Variants in ME2 observed in about 807,000 individuals in gnomAD.
ME2 encodes the protein NAD-dependent malic enzyme, mitochondrial.
ME2 carries 60 observed loss-of-function variants against 73.7 expected under a neutral mutation model. The observed-to-expected ratio is 0.81, with a 90% CI of 0.66 to 1.01. The LOEUF (loss-of-function observed/expected upper bound fraction) is 1.01, where lower values mean the gene tolerates loss of function less well. ME2 is among the 50% of genes least tolerant of loss of function. The pLI, the probability that ME2 is intolerant of heterozygous loss-of-function variation, is 0.00. For synonymous variants in ME2, 199 were observed against 236.9 expected (o/e 0.84, Z 1.47); for missense variants, 594 against 705.5 (o/e 0.84, Z 1.79).
chr18:50,903,670 A>G (rs1402668793), intron 2 of ME2, among the ~76,000 whole-genome samples: 1 of 152,096 alleles, frequency 6.6e-6, no homozygotes, highest in Non-Finnish European at 1.5e-5. Context: ...GCTGGTCTCA[A>G]ACTCCTGGGC....
intron 1 of ME2, among the ~76,000 whole-genome samples, chr18:50,895,304 C>T (rs893917067): frequency 6.6e-6 from 1 of 152,004 alleles, no homozygotes; most frequent in Non-Finnish European, 1.5e-5. Context: ...TATTAAATAA[C>T]AGGTTTTCTA....
intron 1 of ME2, among the ~76,000 whole-genome samples, chr18:50,882,451 T>C (rs192650302): frequency 6.6e-6 from 1 of 152,264 alleles, no homozygotes; most frequent in Admixed American, 6.5e-5. Context: ...TAATAATATG[T>C]ATATATCAAC....
chr18:50,907,059 A>G (rs1917035245), intron 2 of ME2, among the ~76,000 whole-genome samples: 1 of 152,178 alleles, frequency 6.6e-6, no homozygotes, highest in Admixed American at 6.5e-5. Context: ...CTGCTATGCT[A>G]AATTATTGCC....
At chr18:50,940,198 ACT>A in intron 14 of ME2, 88 bp from the exon 15 acceptor site, 1 of 834,202 alleles carries the variant, frequency 1.2e-6, no homozygotes, top group South Asian at 1.5e-5. Flanking sequence ...TACCTGTTTT[ACT>A]CTCTGTTTCC....
intron 1 of ME2, among the ~76,000 whole-genome samples, chr18:50,893,970 T>A (rs1916670720): frequency 6.6e-6 from 1 of 152,248 alleles, no homozygotes; most frequent in Non-Finnish European, 1.5e-5. Context: ...CTTCATGCTT[T>A]AATTATTTAC....
At chr18:50,946,110 T>TTAAATAGATAAA (rs1555679450) in intron 15 of ME2, among the ~76,000 whole-genome samples, 1 of 148,936 alleles carries the variant, frequency 6.7e-6, no homozygotes, top group Non-Finnish European at 1.5e-5. Context: ...AGGCTCCATC[T>TTAAATAGATAAA]TAAATAAATA....
At chr18:50,914,834 G>T (rs1027554260) in intron 4 of ME2, among the ~76,000 whole-genome samples, 4 of 152,146 alleles carry the variant, frequency 2.6e-5, no homozygotes, top group African/African-American at 9.7e-5. Flanking sequence ...TCTAGAACCT[G>T]CGTTTCTTCT....
chr18:50,937,882 A>T (rs1003556972), intron 13 of ME2, among the ~76,000 whole-genome samples: 1 of 152,190 alleles, frequency 6.6e-6, no homozygotes, highest in Admixed American at 6.5e-5. Context: ...AATGGAGGGA[A>T]GTGAATCCTC....
Position 50,910,702 on chromosome 18 carries a change from A to G in ME2, c.243-2099A>G, listed in dbSNP as rs561417575. Among the ~76,000 whole-genome samples, 10 of 152,320 alleles carry G rather than the reference A, an allele frequency of 6.6e-5. No homozygotes were observed. In the South Asian group the frequency reaches 8.3e-4, roughly 13 times the overall value. On this transcript the variant is annotated intron_variant, in intron 3 of 15. Coordinates refer to ENST00000321341, the MANE Select transcript of ME2 (RefSeq NM_002396.5). ...GCATTGTTCTAAGCTTTGAAACTCCACAAATGAAAACACTCAGCCCTTCTC... is the reference window on the plus strand; with the variant it reads ...GCATTGTTCTAAGCTTTGAAACTCCGCAAATGAAAACACTCAGCCCTTCTC...
chr18:50,896,027 T>A, intron 2 of ME2, 99 bp downstream of exon 2: 1 of 821,770 alleles, frequency 1.2e-6, no homozygotes, highest in Non-Finnish European at 1.9e-6. Flanking sequence ...AGCTTTATGC[T>A]AAGGTTGTTC....
chr18:50,896,237 A>G (rs1014833248), intron 2 of ME2, among the ~76,000 whole-genome samples: 1 of 152,180 alleles, frequency 6.6e-6, no homozygotes, highest in Non-Finnish European at 1.5e-5. Flanking sequence ...CATGTGAGAT[A>G]TTTACATTTC....
chr18:50,886,128 G>GTA, intron 1 of ME2, among the ~76,000 whole-genome samples: 1 of 149,812 alleles, frequency 6.7e-6, no homozygotes, highest in South Asian at 2.1e-4. Context: ...GTGTGTGTGT[G>GTA]TATATATTTA....
chr18:50,916,453 A>T (rs948218595), intron 5 of ME2: 14 of 428,990 alleles, frequency 3.3e-5, no homozygotes, highest in African/African-American at 8.2e-5. Flanking sequence ...AAGAAATTAG[A>T]GCTAGAATAC....
intron 1 of ME2, among the ~76,000 whole-genome samples, chr18:50,893,151 A>AAAAAAAAAAAAAAAAC (rs1916649164): frequency 1.0e-4 from 15 of 143,282 alleles, no homozygotes; most frequent in Non-Finnish European, 2.2e-4. Flanking sequence ...AAAAAAAAAA[A>AAAAAAAAAAAAAAAAC]ACACCTTTAA....
At chr18:50,909,829 A>G (rs576644235) in intron 3 of ME2, among the ~76,000 whole-genome samples, 1 of 152,060 alleles carries the variant, frequency 6.6e-6, no homozygotes, top group African/African-American at 2.4e-5. Flanking sequence ...GAGAAAGGAT[A>G]ATTGTTAGAG....
rs763063800 is a variant in ME2 at position 50,895,949 on chromosome 18, T to G, written c.108+21T>G. On this transcript the variant is annotated intron_variant, in intron 2 of 15. Coordinates refer to ENST00000321341, the MANE Select transcript of ME2 (RefSeq NM_002396.5). ...ACAAGGTTAGTAACATTAATATCAA[T>G]GTACATTTTCTCTCTTCTTATTAAA... 2 of 1,466,092 alleles carry G rather than the reference T, an allele frequency of 1.4e-6. No homozygotes were observed. The highest frequency in any genetic ancestry group is 1.7e-5 in the Admixed American group (1 of 59,364). The allele number at this position is 1,466,092 out of a possible 1,614,324, so 90.8% of individuals were successfully genotyped here. A position where few individuals can be genotyped will look rare whatever the true frequency, so the allele number is the denominator to read the frequency against.
intron 3 of ME2, among the ~76,000 whole-genome samples, chr18:50,910,815 A>G (rs1049807940): frequency 2.6e-5 from 4 of 152,206 alleles, no homozygotes; most frequent in African/African-American, 9.6e-5. Flanking sequence ...CTAAACAGTA[A>G]TGACAGGGAG....
At chr18:50,898,417 C>T (rs1260350868) in intron 2 of ME2, among the ~76,000 whole-genome samples, 1 of 151,964 alleles carries the variant, frequency 6.6e-6, no homozygotes, top group Non-Finnish European at 1.5e-5. Context: ...CAAGTAGAAA[C>T]CTAGTATTAT....
At chr18:50,887,800 C>T (rs181434615) in intron 1 of ME2, among the ~76,000 whole-genome samples, 3 of 152,216 alleles carry the variant, frequency 2.0e-5, no homozygotes, top group Admixed American at 2.0e-4. Flanking sequence ...GCAAAGTGAG[C>T]TTATAGACAA....
Sources: gnomAD v4.1 joint callset for allele counts (sites outside exome capture counted in the v4.1 genomes callset) on GRCh38, gnomAD v4.1.1 for gene constraint, MANE v1.5 for transcripts, NCBI Gene and HGNC (gene_info 2026-07-23, HGNC 2026-07-21) for gene names.